Variants in ARK2C observed in about 807,000 individuals in gnomAD.
ARK2C encodes E3 ubiquitin-protein ligase ARK2C.
the ARK2C span, chr18:46,456,400 T>A: frequency 1.3e-6 from 1 of 751,210 alleles, no homozygotes; most frequent in Non-Finnish European, 2.3e-6. Context: ...GTTTCCCATC[T>A]CAGCCACAGC....
At chr18:46,334,389 C>CGGGGCG in the ARK2C span, 19 of 1,514,232 alleles carry the variant, frequency 1.3e-5, no homozygotes, top group South Asian at 2.0e-4. This position sits in a 1 kb window ranked among gnomAD's most constrained non-coding sequence, Gnocchi z 4.4. Context: ...CCGCAGGCAC[C>CGGGGCG]GGGGCGGGGG....
chr18:46,446,458 G>T, the ARK2C span, among the ~76,000 whole-genome samples: 1 of 151,974 alleles, frequency 6.6e-6, no homozygotes, highest in Non-Finnish European at 1.5e-5. Flanking sequence ...ATCACTTGAA[G>T]TCAGGAGTTC....
At chr18:46,412,095 C>T in the ARK2C span, among the ~76,000 whole-genome samples, 1,085 of 152,098 alleles carry the variant, frequency 7.1e-3, 8 homozygotes, top group South Asian at 0.028. Context: ...CTCAGCTCAG[C>T]GGGAGACAAC....
chr18:46,398,803 G>A, the ARK2C span, among the ~76,000 whole-genome samples: 1 of 152,016 alleles, frequency 6.6e-6, no homozygotes, highest in Non-Finnish European at 1.5e-5. Flanking sequence ...CTCCTGGTGG[G>A]GTGTGGTTAC....
chr18:46,437,388 G>T, the ARK2C span, among the ~76,000 whole-genome samples: 1 of 152,122 alleles, frequency 6.6e-6, no homozygotes, highest in Non-Finnish European at 1.5e-5. Flanking sequence ...CCTGGTAATT[G>T]GATGGCAGGA....
chr18:46,455,747 A>G, the ARK2C span, among the ~76,000 whole-genome samples: 1 of 152,226 alleles, frequency 6.6e-6, no homozygotes, highest in African/African-American at 2.4e-5. Context: ...AGGTGGGAGA[A>G]TCGCTTGAAC....
the ARK2C span, chr18:46,461,919 T>G: frequency 1.3e-5 from 2 of 152,216 alleles, no homozygotes; most frequent in South Asian, 4.1e-4. Context: ...GAGATAGGGA[T>G]GGGGTAGGCA....
the ARK2C span, among the ~76,000 whole-genome samples, chr18:46,372,045 G>A: frequency 6.6e-6 from 1 of 152,224 alleles, no homozygotes; most frequent in Non-Finnish European, 1.5e-5. Context: ...TCCTGAAGAT[G>A]AGGCCCACAG....
At chr18:46,345,458 C>A in the ARK2C span, among the ~76,000 whole-genome samples, 1 of 152,192 alleles carries the variant, frequency 6.6e-6, no homozygotes, top group African/African-American at 2.4e-5. Context: ...AGGAGGGAGG[C>A]ATCAGGTTCC....
the ARK2C span, among the ~76,000 whole-genome samples, chr18:46,358,896 G>T: frequency 6.6e-6 from 1 of 152,180 alleles, no homozygotes. Context: ...AGACCACAGT[G>T]AGAGGAGAGA....
chr18:46,443,858 T>C, the ARK2C span, among the ~76,000 whole-genome samples: 398 of 152,358 alleles, frequency 2.6e-3, 2 homozygotes, highest in African/African-American at 9.3e-3. Context: ...TATTCCTTTG[T>C]AGAGAGCTAA....
At chr18:46,435,724 G>A in the ARK2C span, among the ~76,000 whole-genome samples, 1 of 152,222 alleles carries the variant, frequency 6.6e-6, no homozygotes, top group East Asian at 1.9e-4. Context: ...GGTCCCTGGG[G>A]GGAGAGCAGA....
the ARK2C span, among the ~76,000 whole-genome samples, chr18:46,387,505 T>C: frequency 6.6e-6 from 1 of 152,264 alleles, no homozygotes; most frequent in Non-Finnish European, 1.5e-5. Context: ...TTGTCCCAAC[T>C]TTAGTGCCAA....
the ARK2C span, among the ~76,000 whole-genome samples, chr18:46,436,023 A>T: frequency 6.6e-6 from 1 of 152,232 alleles, no homozygotes; most frequent in African/African-American, 2.4e-5. Context: ...CACTCAGCAC[A>T]GATATCTTTG....
the ARK2C span, among the ~76,000 whole-genome samples, chr18:46,416,202 G>C: frequency 2.0e-5 from 3 of 152,220 alleles, no homozygotes; most frequent in Admixed American, 6.5e-5. Flanking sequence ...ACACGGATCT[G>C]CAGGAAAGCT....
At chr18:46,422,283 A>G in the ARK2C span, among the ~76,000 whole-genome samples, 2 of 152,184 alleles carry the variant, frequency 1.3e-5, no homozygotes, top group African/African-American at 2.4e-5. Flanking sequence ...TTTTTCCTGT[A>G]TCACTTTCCC....
At chr18:46,403,327 C>T in the ARK2C span, among the ~76,000 whole-genome samples, 10 of 152,272 alleles carry the variant, frequency 6.6e-5, no homozygotes, top group African/African-American at 2.4e-4. Context: ...CAAGGCTAAG[C>T]ACAGAAGCCT....
chr18:46,334,671 CGTGTGTGTGT>C, the ARK2C span: 15,263 of 303,180 alleles, frequency 0.05, 256 homozygotes, highest in African/African-American at 0.066. This position sits in a 1 kb window ranked among gnomAD's most constrained non-coding sequence, Gnocchi z 4.4. Context: ...GATACATGAC[CGTGTGTGTGT>C]GTGTGTGTGT....
the ARK2C span, among the ~76,000 whole-genome samples, chr18:46,359,070 T>C: frequency 6.6e-6 from 1 of 152,052 alleles, no homozygotes; most frequent in Non-Finnish European, 1.5e-5. Flanking sequence ...TCAGTTGTCC[T>C]CCCCGTAAAA....
Sources: allele counts gnomAD v4.1 joint callset (sites outside exome capture counted in the v4.1 genomes callset), GRCh38; gene constraint gnomAD v4.1.1; non-coding constraint Gnocchi (gnomAD v3.1); transcripts MANE v1.5; gene names NCBI Gene and HGNC (gene_info 2026-07-23, HGNC 2026-07-21).